Variants in TOMM40 observed in about 807,000 individuals in gnomAD.
TOMM40 encodes the protein mitochondrial import receptor subunit TOM40 homolog.
Under a neutral mutation model 38.4 loss-of-function variants are expected in TOMM40, and 9 were observed. That is an observed-to-expected ratio of 0.23 (90% CI 0.14 to 0.41). The LOEUF (loss-of-function observed/expected upper bound fraction) is 0.41, where lower values mean the gene tolerates loss of function less well. TOMM40 is among the 10% of genes least tolerant of loss of function. The probability of loss-of-function intolerance (pLI) is 1.00; values close to 1 mark genes in which losing one functional copy is unlikely to be tolerated. For missense variants in TOMM40, 299 were observed against 486.5 expected, an observed-to-expected ratio of 0.61 and a Z score of 3.63; for synonymous variants, 184 against 210.0, an observed-to-expected ratio of 0.88 and a Z score of 1.07.
chr19:44,893,520 C>G (rs931387644), intron 3 of TOMM40, among the ~76,000 whole-genome samples: 2 of 152,232 alleles, frequency 1.3e-5, no homozygotes, highest in Non-Finnish European at 2.9e-5. Context: ...TGCTGGCACA[C>G]ATGACTGAAA....
chr19:44,902,560 G>A (rs1969702501), intron 8 of TOMM40: 1 of 152,754 alleles, frequency 6.5e-6, no homozygotes, highest in Non-Finnish European at 1.5e-5. Flanking sequence ...GGAAACTGAG[G>A]CTTCCAGAGG....
chr19:44,893,151 G>C (rs983746514), intron 3 of TOMM40, among the ~76,000 whole-genome samples: 2 of 152,162 alleles, frequency 1.3e-5, no homozygotes, highest in African/African-American at 4.8e-5. Flanking sequence ...AGCAGTGCTG[G>C]GGATGTGGCC....
At position 44,903,201 on chromosome 19, in the gene TOMM40, C is replaced by G. The variant is rs1474821764; in HGVS notation, c.*32C>G. ...CTGGCCCCCGCCTTCCACGCCCTTC[C>G]GATTCCACCTCCACCTCCACCTCCC... is the stretch of plus-strand genomic sequence containing the variant. On this transcript the variant is annotated 3_prime_UTR_variant, in exon 9 of 9. Transcript: ENST00000426677. The G allele has an allele frequency of 6.3e-7, 1 of 1,581,496 alleles. No homozygotes were observed. The highest frequency in any genetic ancestry group is 1.2e-5 in the South Asian group (1 of 86,764).
rs375314528 is a variant in TOMM40, at chr19:44,897,699, G to A, written c.644-3031G>A. Among the ~76,000 whole-genome samples the A allele has an allele frequency of 1.7e-3, 254 of 151,772 alleles. 1 individual carries two copies. The highest frequency in any genetic ancestry group is 5.5e-3 in the African/African-American group (227 of 41,434). ...TGAGGCAGGAGAGTCACTTGAACCCGGGAGGCAGAGGTTGCAGTGAGCCGA... is the reference window on the plus strand; with the variant it reads ...TGAGGCAGGAGAGTCACTTGAACCCAGGAGGCAGAGGTTGCAGTGAGCCGA... On this transcript the variant is annotated intron_variant, in intron 5 of 8. Transcript: ENST00000426677.
intron 2 of TOMM40, 52 bp from the exon 3 acceptor site, chr19:44,892,785 A>G (rs1969492066): frequency 2.7e-6 from 4 of 1,476,394 alleles, no homozygotes; most frequent in Non-Finnish European, 2.8e-6. Context: ...TGCCCTCTTC[A>G]GTGGGCAAGC....
Position 44,899,791 on chromosome 19 carries a change from C to CTTT in TOMM40, c.644-906_644-904dup, listed in dbSNP as rs10524523. 4.6e-3 allele frequency among the ~76,000 whole-genome samples: 419 copies of CTTT among 90,908 alleles called. 31 individuals carry two copies. Among genetic ancestry groups the CTTT allele is most frequent in the Non-Finnish European group, 7.0e-3 (313 of 44,934 alleles). The allele number at this position is 90,908 out of a possible 152,430, so 59.6% of individuals were successfully genotyped here. On this transcript the variant is annotated intron_variant, in intron 5 of 8. Transcript: ENST00000426677. ...TACTGGCATGAGCCATTGCATCTGG[C>CTTT]TTTTTTTTTTTTTTTTTTTTTTTTT...
In TOMM40 at chr19:44,900,714, G is replaced by C. The variant is rs377601831; in HGVS notation, c.644-16G>C. ...CACTCAGGGTGGGTGGAAACTGATC[G>C]TCATTTTGCCCACAGGAATCCTCGT... On this transcript the variant is annotated splice_polypyrimidine_tract_variant and intron_variant, in intron 5 of 8. Transcript: ENST00000426677. 6.2e-7 allele frequency: 1 copy of C among 1,612,026 alleles called. No homozygotes were observed. The highest frequency in any genetic ancestry group is 8.5e-7 in the Non-Finnish European group (1 of 1,179,842).
Position 44,901,259 on chromosome 19 carries a change from G to A in TOMM40, c.895G>A (p.Val299Ile), listed in dbSNP as rs779110826. 25 of 1,613,992 alleles carry A rather than the reference G, an allele frequency of 1.5e-5. No homozygotes were observed. The highest frequency in any genetic ancestry group is 1.2e-4 in the Admixed American group (7 of 59,988). The change falls in exon 8 of 9, where the codon GTC becomes ATC. Residue 299 changes from valine to isoleucine, a missense_variant. By Grantham distance (29) the Val-to-Ile change is conservative (BLOSUM62 3). Coordinates refer to ENST00000426677, the MANE Select transcript of TOMM40 (RefSeq NM_001128917.2). ...EASTRMQDTS[V>I]SFGYQLDLPK... ...CAGCACAAGGATGCAGGACACCAGC[G>A]TCTCCTTCGGGTACCAGCTGGACCT...
At position 44,903,477 on chromosome 19, in the gene TOMM40, G is replaced by A. The variant is rs1386984446; in HGVS notation, c.*308G>A. On this transcript the variant is annotated 3_prime_UTR_variant, in exon 9 of 9. Coordinates refer to ENST00000426677, the MANE Select transcript of TOMM40 (RefSeq NM_001128917.2). The stretch of plus-strand genomic sequence containing the variant: ...GCAGAGGCGGCCAGACAACCTCAGG[G>A]AGGAGTGTCCTGGCGTCCCCATCCT... 4 of 308,888 alleles carry A rather than the reference G, an allele frequency of 1.3e-5. No individual in the cohort carries two copies. The highest frequency in any genetic ancestry group is 6.7e-5 in the African/African-American group (3 of 44,924). 19.1% of individuals were successfully genotyped at this position (308,888 alleles called of 1,614,324 possible). A position where few individuals can be genotyped will look rare whatever the true frequency, so the allele number is the denominator to read the frequency against.
intron 2 of TOMM40, 102 bp from the exon 3 acceptor site, chr19:44,892,735 C>T (rs1027235892): frequency 2.0e-6 from 2 of 995,844 alleles, no homozygotes; most frequent in South Asian, 2.7e-5. Context: ...GGCCGTGCCT[C>T]CCAGTCTTCA....
chr19:44,901,419 G>T, intron 8 of TOMM40, 109 bp downstream of exon 8: 2 of 1,516,450 alleles, frequency 1.3e-6, no homozygotes, highest in Non-Finnish European at 1.8e-6. Flanking sequence ...CCACCCTGTG[G>T]GCCTCCACAT....
chr19:44,891,622 C>A lies in TOMM40; in HGVS notation c.207C>A (p.Ala69=). ...CAACCGCCAGCGCCTCAGGGGCCGC[C>A]GAGGATGGGGCCTGCGGCTGCCTGC... ...GAATASASGA[A]EDGACGCLPN... is the part of the protein sequence containing the mutation. The change falls in exon 1 of 9, where the codon GCC becomes GCA. Residue 69 remains alanine (A), a synonymous_variant. Transcript: ENST00000426677. 1 of 1,483,764 alleles carries A rather than the reference C, an allele frequency of 6.7e-7. No homozygotes were observed. The highest frequency in any genetic ancestry group is 8.9e-7 in the Non-Finnish European group (1 of 1,121,638). The allele number at this position is 1,483,764 out of a possible 1,614,324, so 91.9% of individuals were successfully genotyped here. A position where few individuals can be genotyped will look rare whatever the true frequency, so the allele number is the denominator to read the frequency against.
chr19:44,895,606 C>T (rs1236023615), intron 5 of TOMM40, among the ~76,000 whole-genome samples: 2 of 152,094 alleles, frequency 1.3e-5, no homozygotes, highest in Non-Finnish European at 2.9e-5. Flanking sequence ...GGTGCAATCT[C>T]GGCTCACTGC....
In TOMM40 at chr19:44,900,118, C is replaced by T. The variant is rs569937477; in HGVS notation, c.644-612C>T. Among the ~76,000 whole-genome samples, 55 of 152,274 alleles carry T rather than the reference C, an allele frequency of 3.6e-4. No individual in the cohort carries two copies. In the South Asian group the frequency reaches 7.9e-3, roughly 22 times the overall value. On this transcript the variant is annotated intron_variant, in intron 5 of 8. Transcript: ENST00000426677. ...GCCCAAAGGTGGCAGTTCTCTTGTT[C>T]AGCAAGCACTCCCTACGGTGGAGGG...
chr19:44,901,244 A>G lies in TOMM40; in HGVS notation c.880A>G (p.Met294Val). The change falls in exon 8 of 9, where the codon ATG becomes GTG. Residue 294 changes from methionine (M) to valine (V), a missense_variant. Transcript: ENST00000426677. ...VGVEFEASTR[M>V]QDTSVSFGYQ... ...TGTGGAGTTTGAGGCCAGCACAAGG[A>G]TGCAGGACACCAGCGTCTCCTTCGG... The G allele has an allele frequency of 6.2e-7, 1 of 1,614,118 alleles. No homozygotes were observed. Among genetic ancestry groups the G allele is most frequent in the Non-Finnish European group, 8.5e-7 (1 of 1,180,016 alleles).
chr19:44,903,282 G>C lies in TOMM40; in HGVS notation c.*113G>C, dbSNP rs952017313. The C allele has an allele frequency of 2.8e-6, 3 of 1,056,606 alleles. No homozygotes were observed. The highest frequency in any genetic ancestry group is 3.7e-6 in the Non-Finnish European group (3 of 804,548). The allele number at this position is 1,056,606 out of a possible 1,614,324, so 65.5% of individuals were successfully genotyped here. On this transcript the variant is annotated 3_prime_UTR_variant, in exon 9 of 9. Transcript: ENST00000426677. ...TCCCTTCCCTCCCCCCTTGGGGGTC[G>C]GGGGGGACATTGGAAAGGAGGGACC...
At chr19:44,898,512 T>TC (rs1969611421) in intron 5 of TOMM40, among the ~76,000 whole-genome samples, 1 of 16,846 alleles carries the variant, frequency 5.9e-5, no homozygotes, top group Non-Finnish European at 1.3e-4. Context: ...GTGTTGTTTC[T>TC]TTTTTTTTTT....
chr19:44,893,170 C>T (rs530250383), intron 3 of TOMM40, among the ~76,000 whole-genome samples: 3 of 152,304 alleles, frequency 2.0e-5, no homozygotes, highest in South Asian at 4.1e-4. Flanking sequence ...CCACAGCCAC[C>T]CTGTCACCAG....
In TOMM40 at chr19:44,903,094, G is replaced by A; in HGVS notation, c.1011G>A (p.Leu337=). ...AGAAGAAGCTCCCACCCCTGCCCCT[G>A]ACACTGGCCCTTGGGGCCTTCCTGA... ...TLEKKLPPLP[L]TLALGAFLNH... Residue 337 remains leucine (L), a synonymous_variant, in exon 9 of 9, where the codon CTG becomes CTA. Transcript: ENST00000426677. The A allele has an allele frequency of 6.2e-7, 1 of 1,612,718 alleles. No individual in the cohort carries two copies.
Sources: allele counts gnomAD v4.1 joint callset (sites outside exome capture counted in the v4.1 genomes callset), GRCh38; gene constraint gnomAD v4.1.1; transcripts MANE v1.5; gene names NCBI Gene and HGNC (gene_info 2026-07-23, HGNC 2026-07-21).